The following EVC2 variants were observed in gnomAD, a reference collection of about 807,000 sequenced individuals.
The protein encoded by EVC2 is EvC ciliary complex subunit 2, also known as limbin.
EVC2 carries 148 observed loss-of-function variants against 149.3 expected under a neutral mutation model. The ratio of observed to expected loss-of-function variants is 0.99; its 90% CI spans 0.87 to 1.14. EVC2 has a LOEUF of 1.14. Among genes scored for constraint, EVC2 ranks in the 50% most tolerant of loss-of-function variants. The pLI is 0.00. For missense variants in EVC2, 1,854 were observed against 1,627.3 expected (o/e 1.14, Z -2.40); for synonymous variants, 776 against 649.9 (o/e 1.19, Z -2.95).
rs1285925324 is a variant in EVC2 at position 5,614,253 on chromosome 4, TA to T, written c.2829+1168del. Among the ~76,000 whole-genome samples the T allele has an allele frequency of 6.6e-6, 1 of 152,156 alleles. No individual in the cohort carries two copies. The highest frequency in any genetic ancestry group is 1.5e-5 in the Non-Finnish European group (1 of 68,034). On this transcript the variant is annotated intron_variant, in intron 16 of 21. Coordinates refer to ENST00000344408, the MANE Select transcript of EVC2 (RefSeq NM_147127.5). The surrounding 1 kb of genome is among the most constrained non-coding windows in gnomAD (Gnocchi z 4.7). ...GGTCACATTATCTAATTTCTTTCCT[TA>T]ATAGCACTGATGACAGTCTATCATT...
intron 6 of EVC2, among the ~76,000 whole-genome samples, chr4:5,684,599 C>T (rs1202148857): frequency 1.0e-4 from 2 of 20,084 alleles, no homozygotes; most frequent in Admixed American, 2.8e-4. Context: ...CCTGCCAGGA[C>T]AGGCAGCCAG....
intron 21 of EVC2, among the ~76,000 whole-genome samples, chr4:5,564,003 C>G: frequency 6.6e-6 from 1 of 152,100 alleles, no homozygotes; most frequent in Non-Finnish European, 1.5e-5. Context: ...CCACCAAGAG[C>G]CCTATACATC....
Position 5,562,565 on chromosome 4 carries a change from G to A in EVC2, c.*283C>T. 1.5e-6 allele frequency: 2 copies of A among 1,332,172 alleles called. No individual in the cohort carries two copies. The highest frequency in any genetic ancestry group is 1.9e-6 in the Non-Finnish European group (2 of 1,037,292). 82.5% of individuals were successfully genotyped at this position (1,332,172 alleles called of 1,614,324 possible). A position where few individuals can be genotyped will look rare whatever the true frequency, so the allele number is the denominator to read the frequency against. On this transcript the variant is annotated 3_prime_UTR_variant, in exon 22 of 22. Transcript: ENST00000344408. The surrounding 1 kb of genome is among the most constrained non-coding windows in gnomAD (Gnocchi z 4.3). ...ACCATAGCTTCTGCAGCAGAGGATG[G>A]GGTGTGGATTGCAGGGTGGGGGTCT... is the stretch of plus-strand genomic sequence containing the variant.
At chr4:5,630,912 C>T (rs1268713106) in intron 11 of EVC2, among the ~76,000 whole-genome samples, 1 of 152,212 alleles carries the variant, frequency 6.6e-6, no homozygotes, top group Non-Finnish European at 1.5e-5. Context: ...TCAGCTAGAG[C>T]AAGCTATCAG....
intron 1 of EVC2, 29 bp downstream of exon 1, chr4:5,708,257 A>G: frequency 6.8e-7 from 1 of 1,468,202 alleles, no homozygotes; most frequent in Non-Finnish European, 9.0e-7. Context: ...CTACAGTCAG[A>G]CCGGAGCCTG....
intron 16 of EVC2, among the ~76,000 whole-genome samples, chr4:5,592,293 C>T (rs1443717122): frequency 1.3e-5 from 2 of 152,224 alleles, no homozygotes; most frequent in Non-Finnish European, 2.9e-5. Context: ...GGGGGCTGAG[C>T]TGAACCTGTC....
chr4:5,538,050 C>G (rs748934498), downstream of EVC2, among the ~76,000 whole-genome samples: 8 of 142,200 alleles, frequency 5.6e-5, no homozygotes, highest in Non-Finnish European at 9.1e-5. Context: ...CCAAACTGAT[C>G]TGGAAAGAAA....
At chr4:5,605,507 A>G (rs1221022743) in intron 16 of EVC2, among the ~76,000 whole-genome samples, 2 of 152,088 alleles carry the variant, frequency 1.3e-5, no homozygotes, top group African/African-American at 2.4e-5. Flanking sequence ...GGATGGATAG[A>G]TAAGATAGAT....
At position 5,576,995 on chromosome 4, in the gene EVC2, G is replaced by A. The variant is rs919959528; in HGVS notation, c.3058-541C>T. 5.9e-5 allele frequency among the ~76,000 whole-genome samples: 9 copies of A among 152,222 alleles called. 1 individual carries two copies. The East Asian group carries it at 9.6e-4, about 16-fold the overall frequency. On this transcript the variant is annotated intron_variant, in intron 17 of 21. Coordinates refer to ENST00000344408, the MANE Select transcript of EVC2 (RefSeq NM_147127.5). This position sits in a 1 kb window ranked among gnomAD's most constrained non-coding sequence, Gnocchi z 4.5. ...GTATCTGCATGCACCCGGCATGGAC[G>A]AAAGCCAGGCTGGAACACAGCAACT...
intron 16 of EVC2, among the ~76,000 whole-genome samples, chr4:5,607,326 T>G (rs6847677): frequency 0.22 from 33,041 of 152,198 alleles, 8,767 homozygotes; most frequent in African/African-American, 0.64. Context: ...CTACATTTTT[T>G]GATAGGATAG....
At chr4:5,551,068 AC>A (rs1405751039) in intron 21 of EVC2, among the ~76,000 whole-genome samples, 1 of 152,166 alleles carries the variant, frequency 6.6e-6, no homozygotes, top group African/African-American at 2.4e-5. Context: ...CTCATGGAGA[AC>A]CTCTGCCAGG....
In EVC2 at chr4:5,670,092, C is replaced by G. The variant is rs985698568; in HGVS notation, c.871-4443G>C. Reference sequence around the variant, plus strand: ...AATGCCTCTACTCTTCAATCTTCTTCCTCAGTGAAGAATGACCAAAGAAGA... The same window carrying G: ...AATGCCTCTACTCTTCAATCTTCTTGCTCAGTGAAGAATGACCAAAGAAGA... On this transcript the variant is annotated intron_variant, in intron 7 of 21. Coordinates refer to ENST00000344408, the MANE Select transcript of EVC2 (RefSeq NM_147127.5). This position sits in a 1 kb window ranked among gnomAD's most constrained non-coding sequence, Gnocchi z 5.2. Among the ~76,000 whole-genome samples the G allele has an allele frequency of 6.6e-6, 1 of 152,198 alleles. No homozygotes were observed. The highest frequency in any genetic ancestry group is 2.4e-5 in the African/African-American group (1 of 41,434).
At chr4:5,647,230 T>C (rs941822664) in intron 9 of EVC2, among the ~76,000 whole-genome samples, 10 of 152,136 alleles carry the variant, frequency 6.6e-5, no homozygotes, top group African/African-American at 2.2e-4. Flanking sequence ...GCCTTCTGGG[T>C]AGATGAGGCC....
intron 17 of EVC2, among the ~76,000 whole-genome samples, chr4:5,582,905 T>G (rs533182585): frequency 6.6e-6 from 1 of 152,326 alleles, no homozygotes; most frequent in Non-Finnish European, 1.5e-5. Flanking sequence ...ATGTAAGACA[T>G]GCCTGCTTCC....
chr4:5,646,406 T>G (rs1174248823), intron 9 of EVC2, among the ~76,000 whole-genome samples: 1 of 152,152 alleles, frequency 6.6e-6, no homozygotes, highest in Non-Finnish European at 1.5e-5. Flanking sequence ...GGCTTTTTTT[T>G]CCTTGGGAGA....
chr4:5,619,627 T>C (rs1000816180), intron 14 of EVC2, among the ~76,000 whole-genome samples: 3 of 152,174 alleles, frequency 2.0e-5, no homozygotes, highest in African/African-American at 7.2e-5. Flanking sequence ...TTTGTTATGG[T>C]AGTGTTAAAA....
At chr4:5,581,710 G>C (rs527691472) in intron 17 of EVC2, among the ~76,000 whole-genome samples, 2 of 152,352 alleles carry the variant, frequency 1.3e-5, no homozygotes, top group East Asian at 1.9e-4. Flanking sequence ...GCCCACCATA[G>C]CCAAGAGAAT....
chr4:5,655,988 T>C (rs1263620597), intron 9 of EVC2, among the ~76,000 whole-genome samples: 1 of 152,190 alleles, frequency 6.6e-6, no homozygotes, highest in Non-Finnish European at 1.5e-5. Context: ...GAACCATGTC[T>C]ATCCCTATTC....
At chr4:5,592,205 C>A (rs1209986101) in intron 16 of EVC2, among the ~76,000 whole-genome samples, 4 of 152,208 alleles carry the variant, frequency 2.6e-5, no homozygotes, top group Non-Finnish European at 5.9e-5. Context: ...CCCCCAAGAG[C>A]AGGCCTCCTT....
Sources: allele counts gnomAD v4.1 joint callset (sites outside exome capture counted in the v4.1 genomes callset), GRCh38; gene constraint gnomAD v4.1.1; non-coding constraint Gnocchi (gnomAD v3.1); transcripts MANE v1.5; gene names NCBI Gene and HGNC (gene_info 2026-07-23, HGNC 2026-07-21).